CYREN: variants seen among roughly 807,000 people sequenced by gnomAD.
CYREN encodes the protein cell cycle regulator of NHEJ, also known as cell cycle regulator of non-homologous end joining.
In CYREN, 7 loss-of-function variants were observed where a neutral mutation model predicts 9.7. That is an observed-to-expected ratio of 0.72 (90% CI 0.41 to 1.36). CYREN has a LOEUF of 1.36. Among genes scored for constraint, CYREN ranks in the 40% most tolerant of loss-of-function variants. The probability of loss-of-function intolerance (pLI) is 0.01; values close to 1 mark genes in which losing one functional copy is unlikely to be tolerated. For missense variants in CYREN, 215 were observed against 198.1 expected (o/e 1.09, Z -0.51); for synonymous variants, 76 against 77.9 (o/e 0.98, Z 0.13).
chr7:135,110,600 G>C (rs1825491360), intron 2 of CYREN, among the ~76,000 whole-genome samples: 1 of 152,112 alleles, frequency 6.6e-6, no homozygotes, highest in Admixed American at 6.5e-5. Flanking sequence ...GGCTCTCCTG[G>C]CTCTGTGTCG....
intron 2 of CYREN, among the ~76,000 whole-genome samples, chr7:135,137,641 C>T (rs753764847): frequency 7.2e-5 from 11 of 152,016 alleles, no homozygotes; most frequent in Non-Finnish European, 1.3e-4. Flanking sequence ...TTACATCAGA[C>T]ATCTCTTCAG....
intron 2 of CYREN, 166 bp from the exon 3 acceptor site, chr7:135,167,973 T>C (rs1830307514): frequency 1.6e-6 from 2 of 1,254,946 alleles, no homozygotes; most frequent in East Asian, 2.6e-5. Context: ...TTCCTCAGCC[T>C]TGCAGCCCAG....
At chr7:135,105,791 T>A (rs538504700) in intron 2 of CYREN, among the ~76,000 whole-genome samples, 1 of 152,344 alleles carries the variant, frequency 6.6e-6, no homozygotes, top group South Asian at 2.1e-4. Flanking sequence ...CATTGGTAGT[T>A]TGATAGGAAT....
chr7:135,112,180 G>T (rs886506980), intron 2 of CYREN, among the ~76,000 whole-genome samples: 2 of 151,996 alleles, frequency 1.3e-5, no homozygotes, highest in Non-Finnish European at 2.9e-5. Flanking sequence ...CCCTCATTTT[G>T]CCTCCCTTGA....
chr7:135,144,938 T>TAAAAAAAAAAAAAAAAAAAAAAAA (rs58443282), intron 2 of CYREN, among the ~76,000 whole-genome samples: 1 of 45,618 alleles, frequency 2.2e-5, no homozygotes, highest in Non-Finnish European at 3.7e-5. Context: ...CTCAAAAGAG[T>TAAAAAAAAAAAAAAAAAAAAAAAA]AAAAAAAAAA....
At chr7:135,156,881 G>T (rs1829808294) in intron 2 of CYREN, among the ~76,000 whole-genome samples, 1 of 152,098 alleles carries the variant, frequency 6.6e-6, no homozygotes, top group Admixed American at 6.5e-5. Flanking sequence ...CATGGGGGCT[G>T]GTCTTTCCCA....
intron 2 of CYREN, among the ~76,000 whole-genome samples, chr7:135,131,032 G>A (rs1178921962): frequency 6.6e-6 from 1 of 152,128 alleles, no homozygotes; most frequent in Non-Finnish European, 1.5e-5. Flanking sequence ...TGTTTTAGGT[G>A]TGTGTGTCCA....
chr7:135,134,922 A>C, intron 2 of CYREN: 1 of 1,551,186 alleles, frequency 6.4e-7, no homozygotes, highest in Non-Finnish European at 8.7e-7. Context: ...TTGTAATCCA[A>C]GGGGATGTTA....
intron 1 of CYREN, chr7:135,169,563 G>C (rs1461910614): frequency 6.6e-6 from 1 of 152,210 alleles, no homozygotes; most frequent in Admixed American, 6.5e-5. Flanking sequence ...AGATACTTCT[G>C]ATTGGTCAAA....
At chr7:135,108,087 T>C (rs532470522) in intron 2 of CYREN, among the ~76,000 whole-genome samples, 5 of 152,314 alleles carry the variant, frequency 3.3e-5, no homozygotes, top group African/African-American at 1.2e-4. Flanking sequence ...CATCCCTTTA[T>C]TTTGAGCCTA....
chr7:135,118,629 C>A lies in CYREN; in HGVS notation n.357-24047G>T, dbSNP rs1446379173. On this transcript the variant is annotated intron_variant and non_coding_transcript_variant, in intron 2 of 2. Coordinates refer to the CYREN transcript ENST00000459937. ...TCTATGTTTTAATCAGAAATAAATTCTTGTACCAAGAACCAGGAAGATCTA... is the reference window on the plus strand; with the variant it reads ...TCTATGTTTTAATCAGAAATAAATTATTGTACCAAGAACCAGGAAGATCTA... Among the ~76,000 whole-genome samples, 6 of 152,252 alleles carry A rather than the reference C, an allele frequency of 3.9e-5. No individual in the cohort carries two copies. The East Asian group carries it at 9.6e-4, about 24-fold the overall frequency.
At chr7:135,152,651 A>AT (rs1829692397) in intron 2 of CYREN, among the ~76,000 whole-genome samples, 2 of 152,222 alleles carry the variant, frequency 1.3e-5, no homozygotes, top group Admixed American at 1.3e-4. Context: ...CTAAAGTTAG[A>AT]TTCCTTCTCA....
chr7:135,114,121 A>AT (rs2117171435), intron 2 of CYREN, among the ~76,000 whole-genome samples: 1 of 252 alleles, frequency 4.0e-3, no homozygotes, highest in East Asian at 0.1. Flanking sequence ...TGTGTTGCTT[A>AT]CACTGTTGGC....
chr7:135,157,231 A>C (rs181362664), intron 2 of CYREN, among the ~76,000 whole-genome samples: 3 of 152,164 alleles, frequency 2.0e-5, no homozygotes, highest in Admixed American at 1.3e-4. Flanking sequence ...TGCTTTTATA[A>C]GGGAGAATTT....
chr7:135,147,311 G>C (rs1307673810), intron 2 of CYREN, among the ~76,000 whole-genome samples: 3 of 152,172 alleles, frequency 2.0e-5, no homozygotes, highest in African/African-American at 7.2e-5. Flanking sequence ...ACTAGGGGCA[G>C]GGGGAGGGCA....
intron 2 of CYREN, among the ~76,000 whole-genome samples, chr7:135,130,975 TG>T (rs1260949716): frequency 6.6e-6 from 1 of 152,208 alleles, no homozygotes; most frequent in Admixed American, 6.5e-5. Context: ...GAGAACATAT[TG>T]TTTTTTTCCT....
Position 135,166,542 on chromosome 7 carries a change from G to A in CYREN, c.*69C>T. Reference sequence around the variant, plus strand: ...CCCATTCCCACAGGCGGGCGGCCCAGCAGCACCAGTGGAAGCTCAGCTGTC... The same window carrying A: ...CCCATTCCCACAGGCGGGCGGCCCAACAGCACCAGTGGAAGCTCAGCTGTC... On this transcript the variant is annotated 3_prime_UTR_variant, in exon 4 of 4. Transcript: ENST00000393114. 1 of 1,515,482 alleles carries A rather than the reference G, an allele frequency of 6.6e-7. No individual in the cohort carries two copies. The highest frequency in any genetic ancestry group is 8.8e-7 in the Non-Finnish European group (1 of 1,136,504). The allele number at this position is 1,515,482 out of a possible 1,614,324, so 93.9% of individuals were successfully genotyped here.
intron 2 of CYREN, among the ~76,000 whole-genome samples, chr7:135,141,199 G>C (rs1048142198): frequency 6.6e-6 from 1 of 151,832 alleles, no homozygotes; most frequent in African/African-American, 2.4e-5. Context: ...GGCCTTTTCT[G>C]GTTGGTAGGT....
intron 2 of CYREN, chr7:135,115,357 A>G (rs1250219451): frequency 1.4e-6 from 2 of 1,429,426 alleles, no homozygotes; most frequent in African/African-American, 1.4e-5. Flanking sequence ...ATCTCTGTAC[A>G]TATTTTTGTG....
Sources: gnomAD v4.1 joint callset for allele counts (sites outside exome capture counted in the v4.1 genomes callset) on GRCh38, gnomAD v4.1.1 for gene constraint, MANE v1.5 for transcripts, NCBI Gene and HGNC (gene_info 2026-07-23, HGNC 2026-07-21) for gene names.